The following SH3GL3 variants were observed in gnomAD, a reference collection of about 807,000 sequenced individuals.
SH3GL3 encodes the protein SH3 domain containing GRB2 like 3, endophilin A3.
SH3GL3 carries 33 observed loss-of-function variants against 47.7 expected under a neutral mutation model. The ratio of observed to expected loss-of-function variants is 0.69; its 90% CI spans 0.52 to 0.92. The LOEUF is 0.92. Ranked by LOEUF, SH3GL3 falls within the 40% of genes least tolerant of loss-of-function variation. The pLI, the probability that SH3GL3 is intolerant of heterozygous loss-of-function variation, is 0.00. For missense variants in SH3GL3, 363 were observed against 417.8 expected, an observed-to-expected ratio of 0.87 and a Z score of 1.14; for synonymous variants, 155 against 148.8, an observed-to-expected ratio of 1.04 and a Z score of -0.30.
chr15:83,552,506 A>T (rs879385612), intron 1 of SH3GL3, among the ~76,000 whole-genome samples: 4 of 152,224 alleles, frequency 2.6e-5, no homozygotes, highest in Admixed American at 6.5e-5. Flanking sequence ...AACCTAATAA[A>T]CATGCTCTAT....
At chr15:83,622,481 T>C (rs1567044937), downstream of SH3GL3, among the ~76,000 whole-genome samples, 1 of 152,220 alleles carries the variant, frequency 6.6e-6, no homozygotes, top group African/African-American at 2.4e-5. Context: ...GTGAAGTTTA[T>C]TGGGAGCTAT....
intron 2 of SH3GL3, among the ~76,000 whole-genome samples, chr15:83,559,966 T>G (rs763021330): frequency 6.6e-6 from 1 of 151,964 alleles, no homozygotes; most frequent in Non-Finnish European, 1.5e-5. Flanking sequence ...CAAAGAAAAA[T>G]GGTATCATCT....
intron 4 of SH3GL3, among the ~76,000 whole-genome samples, chr15:83,570,889 G>T (rs573299687): frequency 6.6e-6 from 1 of 152,340 alleles, no homozygotes. Flanking sequence ...AAGGGAGCAG[G>T]TGAAACTGCC....
intron 6 of SH3GL3, among the ~76,000 whole-genome samples, chr15:83,580,680 TG>T (rs1213704216): frequency 6.6e-6 from 1 of 152,220 alleles, no homozygotes; most frequent in East Asian, 1.9e-4. Context: ...CCTAAAGTCC[TG>T]TTGGCACTTT....
intron 1 of SH3GL3, among the ~76,000 whole-genome samples, chr15:83,524,622 C>T (rs1292732969): frequency 6.6e-6 from 1 of 151,986 alleles, no homozygotes; most frequent in African/African-American, 2.4e-5. Flanking sequence ...TTCTATCTAA[C>T]TGTATGTTTG....
intron 1 of SH3GL3, among the ~76,000 whole-genome samples, chr15:83,496,059 G>A (rs529309962): frequency 6.6e-6 from 1 of 152,006 alleles, no homozygotes; most frequent in South Asian, 2.1e-4. Context: ...TAAATTTAAT[G>A]TCATTAAAAA....
intron 1 of SH3GL3, among the ~76,000 whole-genome samples, chr15:83,536,150 A>T (rs530334807): frequency 2.7e-4 from 41 of 152,316 alleles, no homozygotes; most frequent in African/African-American, 6.7e-4. Context: ...CATATTGGGA[A>T]CATTTATTCT....
At position 83,453,593 on chromosome 15, in the gene SH3GL3, G is replaced by A. The variant is rs367915735; in HGVS notation, c.45+6015G>A. 7.2e-5 allele frequency among the ~76,000 whole-genome samples: 11 copies of A among 151,792 alleles called. No homozygotes were observed. In the South Asian group the frequency reaches 1.3e-3, roughly 17 times the overall value. On this transcript the variant is annotated intron_variant, in intron 1 of 8. Transcript: ENST00000427482. ...CTTCTAGATTTTCTGATTTATTTGC[G>A]TAGAGGTGTTTGTAGTATTCTCTGA...
chr15:83,587,000 G>T lies in SH3GL3; in HGVS notation c.642G>T (p.Gln214His), dbSNP rs766510412. The change falls in exon 7 of 9, where the codon CAG becomes CAT. Residue 214 changes from glutamine to histidine, a missense_variant. Transcript: ENST00000427482. ...FLENDVEQVS[Q>H]LAVFIEAALD... ...TGCTGCAGGTAGAACAAGTCAGCCAGTTGGCTGTGTTCATAGAGGCAGCAT... is the reference window on the plus strand; with the variant it reads ...TGCTGCAGGTAGAACAAGTCAGCCATTTGGCTGTGTTCATAGAGGCAGCAT... 5 of 1,606,012 alleles carry T rather than the reference G, an allele frequency of 3.1e-6. No homozygotes were observed. In the Admixed American group the frequency reaches 8.4e-5, roughly 27 times the overall value.
chr15:83,574,239 G>A (rs1596291171), intron 5 of SH3GL3, among the ~76,000 whole-genome samples: 1 of 152,176 alleles, frequency 6.6e-6, no homozygotes, highest in South Asian at 2.1e-4. Flanking sequence ...TGAAAGCAAA[G>A]GGTATGAGGG....
intron 1 of SH3GL3, among the ~76,000 whole-genome samples, chr15:83,466,854 T>C (rs2040592119): frequency 1.3e-5 from 2 of 152,250 alleles, no homozygotes; most frequent in Non-Finnish European, 1.5e-5. Context: ...TCTCCTCTTA[T>C]GGAAAATGTC....
At chr15:83,487,566 C>G (rs376619803) in intron 1 of SH3GL3, among the ~76,000 whole-genome samples, 2 of 151,912 alleles carry the variant, frequency 1.3e-5, no homozygotes, top group Admixed American at 1.3e-4. Context: ...TTTTGAGGAA[C>G]GGTTTCTGTC....
chr15:83,460,993 G>A (rs2151507797), intron 1 of SH3GL3, among the ~76,000 whole-genome samples: 2 of 152,006 alleles, frequency 1.3e-5, no homozygotes, highest in East Asian at 3.9e-4. Context: ...TGAGGCAGGA[G>A]AATGGTGTGA....
chr15:83,567,863 C>T (rs1443019079), intron 3 of SH3GL3, among the ~76,000 whole-genome samples: 3 of 152,118 alleles, frequency 2.0e-5, no homozygotes, highest in African/African-American at 7.2e-5. Flanking sequence ...CACGTGTCAG[C>T]AACTGCAAGC....
rs187787145 is a variant in SH3GL3 at position 83,570,120 on chromosome 15, C to T, written c.331+1448C>T. ...CAAATGATATAAACGTTTATTTATA[C>T]TTGTTTTTGAATCCTGTATTTTCTT... On this transcript the variant is annotated intron_variant, in intron 4 of 8. Coordinates refer to ENST00000427482, the MANE Select transcript of SH3GL3 (RefSeq NM_003027.5). 3.4e-3 allele frequency among the ~76,000 whole-genome samples: 511 copies of T among 152,140 alleles called. 2 individuals are homozygous for T. The highest frequency in any genetic ancestry group is 5.8e-3 in the Non-Finnish European group (392 of 67,980).
intron 8 of SH3GL3, among the ~76,000 whole-genome samples, chr15:83,596,266 T>G (rs2060235558): frequency 6.6e-6 from 1 of 152,224 alleles, no homozygotes; most frequent in African/African-American, 2.4e-5. Flanking sequence ...TTTTAAATTT[T>G]TTGAAGCTTG....
chr15:83,491,372 T>C (rs2041868805), intron 1 of SH3GL3, among the ~76,000 whole-genome samples: 2 of 152,272 alleles, frequency 1.3e-5, no homozygotes, highest in Admixed American at 1.3e-4. Context: ...TGAATTGTCC[T>C]CTGAATTTAA....
chr15:83,520,821 A>C (rs550236774), intron 1 of SH3GL3, among the ~76,000 whole-genome samples: 2 of 152,282 alleles, frequency 1.3e-5, no homozygotes, highest in East Asian at 3.9e-4. Flanking sequence ...CCACCCCCAC[A>C]ACACAGATAA....
intron 1 of SH3GL3, among the ~76,000 whole-genome samples, chr15:83,482,497 GT>G (rs112269487): frequency 2.9e-4 from 43 of 147,272 alleles, no homozygotes; most frequent in Admixed American, 4.7e-4. Context: ...GCCTTCTTAA[GT>G]TTTTTTTTTT....
Sources: gnomAD v4.1 joint callset for allele counts (sites outside exome capture counted in the v4.1 genomes callset) on GRCh38, gnomAD v4.1.1 for gene constraint, MANE v1.5 for transcripts, NCBI Gene and HGNC (gene_info 2026-07-23, HGNC 2026-07-21) for gene names.